ASCC1: variants seen among roughly 807,000 people sequenced by gnomAD.
ASCC1 encodes the protein ASC-1 complex subunit P50.
Under a neutral mutation model 46.6 loss-of-function variants are expected in ASCC1, and 35 were observed. That is an observed-to-expected ratio of 0.75 (90% CI 0.57 to 0.99). The LOEUF is 0.99. ASCC1 is among the 50% of genes least tolerant of loss of function. The pLI, the probability that ASCC1 is intolerant of heterozygous loss-of-function variation, is 0.00. For synonymous variants in ASCC1, 143 were observed against 146.6 expected (o/e 0.98, Z 0.18); for missense variants, 376 against 428.7 (o/e 0.88, Z 1.09).
At chr10:72,156,689 G>A (rs371579917) in intron 6 of ASCC1, among the ~76,000 whole-genome samples, 6 of 151,414 alleles carry the variant, frequency 4.0e-5, no homozygotes, top group Non-Finnish European at 5.9e-5. Context: ...GGAGAATGGC[G>A]CGAACCCAGG....
At chr10:72,203,986 C>A (rs575683831) in intron 3 of ASCC1, among the ~76,000 whole-genome samples, 1 of 152,132 alleles carries the variant, frequency 6.6e-6, no homozygotes, top group Non-Finnish European at 1.5e-5. Flanking sequence ...CAGTGGCTCA[C>A]GCCTGTAATC....
intron 3 of ASCC1, among the ~76,000 whole-genome samples, chr10:72,208,176 C>T (rs1857489652): frequency 6.6e-6 from 1 of 151,938 alleles, no homozygotes; most frequent in African/African-American, 2.4e-5. Flanking sequence ...AGACCCAATA[C>T]CTAATTTAAC....
intron 5 of ASCC1, among the ~76,000 whole-genome samples, chr10:72,172,867 ATAT>A (rs1408731503): frequency 8.0e-6 from 1 of 124,300 alleles, no homozygotes; most frequent in African/African-American, 2.9e-5. Flanking sequence ...TATATTATAT[ATAT>A]TATATATTAT....
At position 72,161,847 on chromosome 10, in the gene ASCC1, A is replaced by G. The variant is rs80318236; in HGVS notation, c.490-173T>C. Among the ~76,000 whole-genome samples the G allele has an allele frequency of 4.5e-3, 685 of 152,336 alleles. 1 individual carries two copies. The highest frequency in any genetic ancestry group is 8.1e-3 in the Non-Finnish European group (549 of 68,036). On this transcript the variant is annotated intron_variant, in intron 5 of 9. Coordinates refer to ENST00000672957, the MANE Select transcript of ASCC1 (RefSeq NM_001198800.3). ...TCAATAAATGATGCTAGAACAATAG[A>G]ATACCCACATGCAAAAGAATAAAGA...
chr10:72,209,810 T>TA (rs140673594), intron 3 of ASCC1, among the ~76,000 whole-genome samples: 5,222 of 152,044 alleles, frequency 0.034, 309 homozygotes, highest in African/African-American at 0.12. Flanking sequence ...TTAAATAAAT[T>TA]AAATAAAAGG....
At chr10:72,133,270 C>T in intron 7 of ASCC1, 89 bp from the exon 8 acceptor site, 1 of 1,365,826 alleles carries the variant, frequency 7.3e-7, no homozygotes, top group Non-Finnish European at 1.0e-6. Flanking sequence ...GGAGCATGTG[C>T]TCTGTGCTAA....
chr10:72,193,916 G>A lies in ASCC1; in HGVS notation c.489+2895C>T, dbSNP rs1017176166. Among the ~76,000 whole-genome samples the A allele has an allele frequency of 2.0e-5, 3 of 150,164 alleles. No individual in the cohort carries two copies. In the Admixed American group the frequency reaches 2.0e-4, roughly 10 times the overall value. The stretch of plus-strand genomic sequence containing the variant: ...GTGGTGCGATCTCTGCTCACCGCAA[G>A]CTCCACCTCCCGGATTCACGTCACT... On this transcript the variant is annotated intron_variant, in intron 5 of 9. Transcript: ENST00000672957.
chr10:72,114,308 T>G (rs1843248129), intron 9 of ASCC1, among the ~76,000 whole-genome samples: 1 of 152,186 alleles, frequency 6.6e-6, no homozygotes, highest in Admixed American at 6.5e-5. Flanking sequence ...TCTCTTTTCT[T>G]GAGTTGAGTA....
intron 8 of ASCC1, among the ~76,000 whole-genome samples, chr10:72,131,278 G>C (rs1845551860): frequency 2.6e-5 from 4 of 152,098 alleles, no homozygotes; most frequent in Admixed American, 2.0e-4. Flanking sequence ...AATTAGCTGA[G>C]CGCGGTGGCA....
intron 9 of ASCC1, among the ~76,000 whole-genome samples, chr10:72,100,278 G>A (rs1183188356): frequency 6.6e-6 from 1 of 151,118 alleles, no homozygotes; most frequent in Non-Finnish European, 1.5e-5. Flanking sequence ...ACCCCGGCTG[G>A]AGTGCAGTGG....
At position 72,096,887 on chromosome 10, in the gene ASCC1, TG is replaced by T; in HGVS notation, c.*446del. 1 of 454,044 alleles carries T rather than the reference TG, an allele frequency of 2.2e-6. No homozygotes were observed. The highest frequency in any genetic ancestry group is 4.4e-6 in the Non-Finnish European group (1 of 226,768). The allele number at this position is 454,044 out of a possible 1,614,324, so 28.1% of individuals were successfully genotyped here. The stretch of plus-strand genomic sequence containing the variant: ...AAAACCAGAGAGACAGAAAGCAGAA[TG>T]GTGGCTGCGGGGGCTGGGAGGAGTG... On this transcript the variant is annotated 3_prime_UTR_variant, in exon 10 of 10. Coordinates refer to ENST00000672957, the MANE Select transcript of ASCC1 (RefSeq NM_001198800.3).
intron 2 of ASCC1, 119 bp downstream of exon 2, chr10:72,213,068 A>G: frequency 1.4e-6 from 1 of 720,804 alleles, no homozygotes; most frequent in Non-Finnish European, 2.5e-6. Context: ...GAGCTATATG[A>G]GGCCAAACAT....
intron 5 of ASCC1, among the ~76,000 whole-genome samples, chr10:72,170,081 T>C (rs1412878117): frequency 6.6e-6 from 1 of 151,762 alleles, no homozygotes; most frequent in Non-Finnish European, 1.5e-5. Context: ...GATCGTGCCA[T>C]TGCACTAAAG....
chr10:72,212,377 T>C (rs1043300908), intron 2 of ASCC1: 2 of 155,560 alleles, frequency 1.3e-5, no homozygotes, highest in African/African-American at 4.8e-5. Context: ...TTACAGAGCA[T>C]TTGCATTGTA....
At chr10:72,205,144 GCCTGGGTGACAAAGTGAGAT>G (rs1381161385) in intron 3 of ASCC1, among the ~76,000 whole-genome samples, 1 of 152,180 alleles carries the variant, frequency 6.6e-6, no homozygotes, top group Non-Finnish European at 1.5e-5. Flanking sequence ...TGGCACTCTG[GCCTGGGTGACAAAGTGAGAT>G]CCTGTCTCTA....
intron 5 of ASCC1, among the ~76,000 whole-genome samples, chr10:72,176,103 A>C (rs185296011): frequency 6.6e-6 from 1 of 152,354 alleles, no homozygotes; most frequent in East Asian, 1.9e-4. Flanking sequence ...ACACTGTAAC[A>C]TTAATACCAT....
intron 5 of ASCC1, among the ~76,000 whole-genome samples, chr10:72,164,355 A>T (rs778186925): frequency 6.6e-6 from 1 of 152,080 alleles, no homozygotes; most frequent in African/African-American, 2.4e-5. Context: ...GGATTTATCT[A>T]TTCTGGATAT....
intron 6 of ASCC1, among the ~76,000 whole-genome samples, chr10:72,154,943 G>C (rs781474272): frequency 1.3e-5 from 2 of 151,964 alleles, no homozygotes; most frequent in African/African-American, 2.4e-5. Flanking sequence ...GAAGCTTTTA[G>C]GTACTGATAT....
At chr10:72,115,106 T>C (rs1414074577) in intron 9 of ASCC1, among the ~76,000 whole-genome samples, 2 of 152,254 alleles carry the variant, frequency 1.3e-5, no homozygotes, top group Admixed American at 1.3e-4. Flanking sequence ...AACAGTAGTT[T>C]GCCAAGTCCT....
Sources: allele counts gnomAD v4.1 joint callset (sites outside exome capture counted in the v4.1 genomes callset), GRCh38; gene constraint gnomAD v4.1.1; transcripts MANE v1.5; gene names NCBI Gene and HGNC (gene_info 2026-07-23, HGNC 2026-07-21).